Variants in DOCK2 observed in about 807,000 individuals in gnomAD.
DOCK2 encodes dedicator of cytokinesis protein 2.
A neutral mutation model predicts 248.9 loss-of-function variants in DOCK2; 87 were observed. The observed-to-expected ratio is 0.35, with a 90% CI of 0.29 to 0.42. The LOEUF (loss-of-function observed/expected upper bound fraction) is 0.42, where lower values mean the gene tolerates loss of function less well. DOCK2 is among the 10% of genes least tolerant of loss of function. The pLI is 1.00. For missense variants in DOCK2, 1,747 were observed against 2,300.2 expected, an observed-to-expected ratio of 0.76 and a Z score of 4.92; for synonymous variants, 805 against 821.6, an observed-to-expected ratio of 0.98 and a Z score of 0.35.
intron 14 of DOCK2, among the ~76,000 whole-genome samples, chr5:169,707,542 C>T (rs761421596): frequency 1.2e-4 from 19 of 152,190 alleles, no homozygotes; most frequent in Non-Finnish European, 2.5e-4. Flanking sequence ...TGTGAGCTCA[C>T]GTCAGGTTCA....
chr5:169,862,345 A>G (rs931055267), intron 27 of DOCK2, among the ~76,000 whole-genome samples: 2 of 152,240 alleles, frequency 1.3e-5, no homozygotes, highest in African/African-American at 4.8e-5. Flanking sequence ...GAGAATATAA[A>G]TTCACATGAA....
At chr5:169,912,379 G>C (rs770232555) in intron 27 of DOCK2, among the ~76,000 whole-genome samples, 3 of 152,102 alleles carry the variant, frequency 2.0e-5, no homozygotes, top group East Asian at 3.9e-4. Context: ...TCTTATCATT[G>C]TCTATTGGCT....
chr5:170,020,439 C>G (rs998954893), intron 33 of DOCK2, among the ~76,000 whole-genome samples: 2 of 152,168 alleles, frequency 1.3e-5, no homozygotes, highest in Non-Finnish European at 2.9e-5. Flanking sequence ...TCTTCCTCAT[C>G]TGCATCTAAT....
intron 29 of DOCK2, among the ~76,000 whole-genome samples, chr5:169,990,248 G>A (rs888068289): frequency 2.1e-4 from 32 of 152,004 alleles, no homozygotes; most frequent in Non-Finnish European, 5.9e-5. Flanking sequence ...ACAGGTGCAC[G>A]CCACCATGCC....
intron 49 of DOCK2, 170 bp from the exon 50 acceptor site, chr5:170,079,993 A>G: frequency 8.6e-7 from 1 of 1,156,188 alleles, no homozygotes; most frequent in Non-Finnish European, 1.2e-6. Flanking sequence ...CTGTGCAACC[A>G]TATGTGGCAG....
intron 27 of DOCK2, among the ~76,000 whole-genome samples, chr5:169,871,916 T>C (rs2113461183): frequency 6.6e-6 from 1 of 152,350 alleles, no homozygotes; most frequent in Admixed American, 6.5e-5. Context: ...GGAGGCAGCC[T>C]ATTGAAGATA....
chr5:169,710,890 C>T (rs1761543766), intron 15 of DOCK2, among the ~76,000 whole-genome samples: 1 of 152,194 alleles, frequency 6.6e-6, no homozygotes, highest in African/African-American at 2.4e-5. Flanking sequence ...GCCCTTGTCA[C>T]AGGGCTGTTA....
chr5:169,991,787 C>T (rs913941373), intron 29 of DOCK2, among the ~76,000 whole-genome samples: 2 of 152,220 alleles, frequency 1.3e-5, no homozygotes, highest in African/African-American at 4.8e-5. Context: ...AAAGACAGAC[C>T]TGAGTTTGGG....
intron 27 of DOCK2, among the ~76,000 whole-genome samples, chr5:169,853,715 T>C (rs1296786885): frequency 6.6e-6 from 1 of 151,086 alleles, no homozygotes; most frequent in East Asian, 1.9e-4. Context: ...TGTGTTAGCA[T>C]CTTCTGCTTA....
At chr5:169,667,881 G>A (rs1486139528) in intron 2 of DOCK2, among the ~76,000 whole-genome samples, 1 of 152,186 alleles carries the variant, frequency 6.6e-6, no homozygotes, top group African/African-American at 2.4e-5. Flanking sequence ...AAAATAGAAT[G>A]TGATGCTTCA....
rs1202699432 is a variant in DOCK2, at chr5:169,803,151, A to G, written c.2648A>G (p.Lys883Arg). The change falls in exon 26 of 52, where the codon AAG (lysine) becomes AGG (arginine). Residue 883 changes from lysine to arginine, a missense_variant. This residue lies in a region of DOCK2 where 858 missense variants were observed against 1,183.5 expected (regional missense o/e 0.72). Transcript: ENST00000520908. ...DDMQHQVLER[K>R]YCVELLNSIL... is the part of the protein sequence containing the mutation. ...ATGCAACACCAGGTCCTGGAGAGGA[A>G]GTACTGCGTTGAATTGCTCAACAGC... 1 of 1,614,054 alleles carries G rather than the reference A, an allele frequency of 6.2e-7. No homozygotes were observed. Among genetic ancestry groups the G allele is most frequent in the East Asian group, 2.2e-5 (1 of 44,902 alleles).
At chr5:169,950,294 A>G (rs1337287056) in intron 27 of DOCK2, among the ~76,000 whole-genome samples, 4 of 152,232 alleles carry the variant, frequency 2.6e-5, no homozygotes, top group African/African-American at 9.6e-5. Flanking sequence ...GAGAACAAGC[A>G]GACCTTCCTC....
At chr5:169,655,915 G>A (rs1758084208) in intron 2 of DOCK2, among the ~76,000 whole-genome samples, 1 of 152,096 alleles carries the variant, frequency 6.6e-6, no homozygotes, top group African/African-American at 2.4e-5. Flanking sequence ...TTTTTACTTG[G>A]GGTTGTAGAT....
chr5:169,682,484 G>A (rs577698325), intron 7 of DOCK2, among the ~76,000 whole-genome samples: 6 of 152,354 alleles, frequency 3.9e-5, no homozygotes, highest in East Asian at 1.9e-4. Context: ...TGCAGAGGCC[G>A]GGTAGGTGGA....
chr5:169,748,798 TG>T (rs1377917495), intron 23 of DOCK2, among the ~76,000 whole-genome samples: 1 of 152,244 alleles, frequency 6.6e-6, no homozygotes, highest in Admixed American at 6.5e-5. Context: ...GAGGTATAAA[TG>T]ATTAAAAATG....
intron 17 of DOCK2, among the ~76,000 whole-genome samples, chr5:169,713,201 A>G (rs192144244): frequency 6.6e-6 from 1 of 152,302 alleles, no homozygotes; most frequent in African/African-American, 2.4e-5. Flanking sequence ...TTCTTCCCTG[A>G]CAGAATGTGA....
intron 27 of DOCK2, among the ~76,000 whole-genome samples, chr5:169,944,269 A>G (rs1204285498): frequency 6.6e-6 from 1 of 152,192 alleles, no homozygotes; most frequent in Non-Finnish European, 1.5e-5. Context: ...TGACCTGCCC[A>G]TGCACAGAGG....
intron 27 of DOCK2, among the ~76,000 whole-genome samples, chr5:169,937,696 C>A (rs1258716054): frequency 6.6e-6 from 1 of 152,196 alleles, no homozygotes; most frequent in Admixed American, 6.5e-5. Flanking sequence ...GTCTATTCTT[C>A]TAAATTCTCA....
chr5:169,924,827 G>A (rs1195433125), intron 27 of DOCK2, among the ~76,000 whole-genome samples: 1 of 152,098 alleles, frequency 6.6e-6, no homozygotes, highest in Admixed American at 6.5e-5. Context: ...ACATGGGTAG[G>A]TAGGCATATT....
Sources: allele counts gnomAD v4.1 joint callset (sites outside exome capture counted in the v4.1 genomes callset), GRCh38; gene constraint gnomAD v4.1.1; regional missense constraint gnomAD v4.1.1; transcripts MANE v1.5; gene names NCBI Gene and HGNC (gene_info 2026-07-23, HGNC 2026-07-21).